The following GPRIN3 variants were observed in gnomAD, a reference collection of about 807,000 sequenced individuals.
GPRIN3 encodes the protein G protein-regulated inducer of neurite outgrowth 3.
A neutral mutation model predicts 13.7 loss-of-function variants in GPRIN3; 12 were observed. The observed-to-expected ratio is 0.87, with a 90% CI of 0.56 to 1.42. The LOEUF is 1.42. Ranked by LOEUF, GPRIN3 falls within the 40% of genes most tolerant of loss-of-function variation. GPRIN3 has a pLI of 0.00. For synonymous variants in GPRIN3, 377 were observed against 372.7 expected (o/e 1.01, Z -0.13); for missense variants, 1,009 against 958.7 (o/e 1.05, Z -0.69).
rs1161997741 is a variant in GPRIN3, at chr4:89,245,803, A to G, written c.*1977T>C. ...AAATGGGTATTTAAGGCCCAAAGAG[A>G]GAGTGTTAGGCTAAATCTCTAATCA... On this transcript the variant is annotated 3_prime_UTR_variant, in exon 2 of 2. Coordinates refer to ENST00000609438, the MANE Select transcript of GPRIN3 (RefSeq NM_198281.3). The G allele has an allele frequency of 6.6e-6, 1 of 152,194 alleles. No individual in the cohort carries two copies. The highest frequency in any genetic ancestry group is 1.5e-5 in the Non-Finnish European group (1 of 68,042). 9.4% of individuals were successfully genotyped at this position (152,194 alleles called of 1,614,324 possible).
intron 1 of GPRIN3, among the ~76,000 whole-genome samples, chr4:89,307,167 T>G (rs755848752): frequency 1.3e-5 from 2 of 152,058 alleles, no homozygotes; most frequent in East Asian, 3.9e-4. Flanking sequence ...TATGCATTTA[T>G]GTATGTGTGT....
At chr4:89,264,716 G>A (rs912595631) in intron 1 of GPRIN3, among the ~76,000 whole-genome samples, 1 of 152,172 alleles carries the variant, frequency 6.6e-6, no homozygotes, top group African/African-American at 2.4e-5. Context: ...ATGTCCATTT[G>A]CAAAGAGGTT....
At chr4:89,297,805 A>G (rs552013262) in intron 1 of GPRIN3, among the ~76,000 whole-genome samples, 2 of 152,320 alleles carry the variant, frequency 1.3e-5, no homozygotes, top group African/African-American at 4.8e-5. Flanking sequence ...ACATTCCCCA[A>G]TAATGATCTG....
intron 1 of GPRIN3, among the ~76,000 whole-genome samples, chr4:89,299,587 G>A (rs951586629): frequency 2.6e-5 from 4 of 152,042 alleles, no homozygotes; most frequent in East Asian, 1.9e-4. Flanking sequence ...CCATAGTAAC[G>A]GAGCAGTTCT....
At chr4:89,288,219 A>T (rs1724475464) in intron 1 of GPRIN3, among the ~76,000 whole-genome samples, 1 of 152,190 alleles carries the variant, frequency 6.6e-6, no homozygotes, top group Non-Finnish European at 1.5e-5. Flanking sequence ...GAGAAAAGAC[A>T]TGTGATCCCA....
chr4:89,287,018 A>T (rs75764336), intron 1 of GPRIN3, among the ~76,000 whole-genome samples: 1 of 152,050 alleles, frequency 6.6e-6, no homozygotes. Context: ...CAAAACAACT[A>T]CTCTGGCCTC....
At position 89,236,454 on chromosome 4, in the gene GPRIN3, T is replaced by C. The variant is rs1722798756; in HGVS notation, c.*11326A>G. ...TGGCAAAATTCAAGGCTTTTAACAA[T>C]TGAGTGGTAAAGTTCAAGTGGAAGA... is the stretch of plus-strand genomic sequence containing the variant. On this transcript the variant is annotated 3_prime_UTR_variant, in exon 2 of 2. Coordinates refer to ENST00000609438, the MANE Select transcript of GPRIN3 (RefSeq NM_198281.3). 6.6e-6 allele frequency: 1 copy of C among 152,112 alleles called. No individual in the cohort carries two copies. Among genetic ancestry groups the C allele is most frequent in the Non-Finnish European group, 1.5e-5 (1 of 68,020 alleles). 9.4% of individuals were successfully genotyped at this position (152,112 alleles called of 1,614,324 possible). A position where few individuals can be genotyped will look rare whatever the true frequency, so the allele number is the denominator to read the frequency against.
chr4:89,299,697 T>C (rs1724840755), intron 1 of GPRIN3, among the ~76,000 whole-genome samples: 1 of 152,142 alleles, frequency 6.6e-6, no homozygotes, highest in East Asian at 1.9e-4. Flanking sequence ...TTCCAGGCTA[T>C]ACAGAAACAC....
chr4:89,284,391 C>T (rs969120335), intron 1 of GPRIN3, among the ~76,000 whole-genome samples: 39 of 152,342 alleles, frequency 2.6e-4, no homozygotes, highest in African/African-American at 8.2e-4. Context: ...TTCAGGTTCA[C>T]ATCTGGTTGG....
At chr4:89,306,504 T>C (rs1023973522) in intron 1 of GPRIN3, among the ~76,000 whole-genome samples, 3 of 152,134 alleles carry the variant, frequency 2.0e-5, no homozygotes, top group Non-Finnish European at 2.9e-5. Context: ...CCCAGATACC[T>C]TGCAAAAACA....
At chr4:89,306,059 T>G (rs1050825172) in intron 1 of GPRIN3, among the ~76,000 whole-genome samples, 9 of 148,142 alleles carry the variant, frequency 6.1e-5, no homozygotes, top group South Asian at 2.1e-4. Context: ...GCAATTGCTG[T>G]TTTTTTTTTC....
rs1267085552 is a variant in GPRIN3 at position 89,239,316 on chromosome 4, A to G, written c.*8464T>C. The G allele has an allele frequency of 6.6e-6, 1 of 152,150 alleles. No individual in the cohort carries two copies. Among genetic ancestry groups the G allele is most frequent in the Non-Finnish European group, 1.5e-5 (1 of 68,008 alleles). 9.4% of individuals were successfully genotyped at this position (152,150 alleles called of 1,614,324 possible). The stretch of plus-strand genomic sequence containing the variant: ...TTGAAAACTGCAATTTTTAAGTTAT[A>G]ATTTTTCTGGGTATTATTCAAATTA... On this transcript the variant is annotated 3_prime_UTR_variant, in exon 2 of 2. Coordinates refer to ENST00000609438, the MANE Select transcript of GPRIN3 (RefSeq NM_198281.3).
At chr4:89,296,246 G>A (rs1312566148) in intron 1 of GPRIN3, among the ~76,000 whole-genome samples, 2 of 151,924 alleles carry the variant, frequency 1.3e-5, no homozygotes, top group Non-Finnish European at 2.9e-5. Flanking sequence ...GGTGATTTCT[G>A]TCCATTTTCT....
At chr4:89,297,449 C>T (rs985936664) in intron 1 of GPRIN3, among the ~76,000 whole-genome samples, 16 of 152,136 alleles carry the variant, frequency 1.1e-4, no homozygotes, top group African/African-American at 3.4e-4. Context: ...ACCCTCTTCC[C>T]GCATGTGTTT....
At chr4:89,253,605 C>G (rs1170906622) in intron 1 of GPRIN3, among the ~76,000 whole-genome samples, 1 of 152,206 alleles carries the variant, frequency 6.6e-6, no homozygotes, top group African/African-American at 2.4e-5. Context: ...AAGATGACTT[C>G]ACAAAACTCT....
chr4:89,298,202 G>A (rs527924652), intron 1 of GPRIN3, among the ~76,000 whole-genome samples: 5 of 152,172 alleles, frequency 3.3e-5, no homozygotes, highest in South Asian at 2.1e-4. Flanking sequence ...TATCTGTTCC[G>A]TTTTTGTCAC....
chr4:89,298,751 C>T (rs866745848), intron 1 of GPRIN3, among the ~76,000 whole-genome samples: 36 of 152,140 alleles, frequency 2.4e-4, no homozygotes, highest in South Asian at 2.1e-4. Context: ...AAACCAGGGC[C>T]TTCTGCCAAC....
At chr4:89,277,779 G>T (rs561633219) in intron 1 of GPRIN3, among the ~76,000 whole-genome samples, 1 of 152,140 alleles carries the variant, frequency 6.6e-6, no homozygotes, top group Non-Finnish European at 1.5e-5. Flanking sequence ...GGATCCAAAG[G>T]ACTTTCTGCC....
chr4:89,252,576 G>A (rs532875802), intron 1 of GPRIN3, among the ~76,000 whole-genome samples: 4 of 152,202 alleles, frequency 2.6e-5, no homozygotes, highest in African/African-American at 7.2e-5. Flanking sequence ...AATCAAATCC[G>A]GTTGGACCTA....
Sources: gnomAD v4.1 joint callset for allele counts (sites outside exome capture counted in the v4.1 genomes callset) on GRCh38, gnomAD v4.1.1 for gene constraint, MANE v1.5 for transcripts, NCBI Gene and HGNC (gene_info 2026-07-23, HGNC 2026-07-21) for gene names.